POLE: variants seen among roughly 807,000 people sequenced by gnomAD.
POLE encodes DNA polymerase epsilon catalytic subunit A.
In POLE, 188 loss-of-function variants were observed where a neutral mutation model predicts 279.2. The ratio of observed to expected loss-of-function variants is 0.67; its 90% CI spans 0.60 to 0.76. POLE has a LOEUF of 0.76. Ranked by LOEUF, POLE falls within the 30% of genes least tolerant of loss-of-function variation. The pLI, the probability that POLE is intolerant of heterozygous loss-of-function variation, is 0.00. For synonymous variants in POLE, 1,214 were observed against 1,172.5 expected (o/e 1.04, Z -0.72); for missense variants, 2,703 against 3,016.7 (o/e 0.90, Z 2.44).
chr12:132,681,248 G>T lies in POLE; in HGVS notation c.94C>A (p.Leu32Ile). ...DDGATSSVSALKRLERSQWTD... is the reference protein window; with the variant it reads ...DDGATSSVSAIKRLERSQWTD... ...CACTGACTCCGTTCCAGGCGCTTGA[G>T]TGCCGAAACTGAGGAAGTGGCGCCA... The change falls in exon 2 of 49, where the codon CTC (leucine) becomes ATC (isoleucine). Residue 32 changes from leucine to isoleucine, a missense_variant. By Grantham distance (5) the Leu-to-Ile change is conservative. This residue lies in a region of POLE where 1,011 missense variants were observed against 1,111.7 expected (regional missense o/e 0.91). Transcript: ENST00000320574. The T allele has an allele frequency of 6.2e-7, 1 of 1,614,216 alleles. No individual in the cohort carries two copies. The highest frequency in any genetic ancestry group is 1.6e-4 in the Middle Eastern group (1 of 6,062).
rs1267528399 is a variant in POLE at position 132,668,377 on chromosome 12, A to G, written c.2152T>C (p.Tyr718His). The change falls in exon 19 of 49, where the codon TAC becomes CAC. Residue 718 changes from tyrosine to histidine, a missense_variant. By Grantham distance (83) the Tyr-to-His change is moderately conservative. Coordinates refer to ENST00000320574, the MANE Select transcript of POLE (RefSeq NM_006231.4). This position sits in a 1 kb window ranked among gnomAD's most constrained non-coding sequence, Gnocchi z 4.0. ...HELSREEQAKYEKRRLADYCR... is the reference protein window; with the variant it reads ...HELSREEQAKHEKRRLADYCR... ...TCACCCGCCAGCCTTCTCTTCTCGTATTTCGCCTGTTCCTCGCGGGACAGT... is the reference window on the plus strand; with the variant it reads ...TCACCCGCCAGCCTTCTCTTCTCGTGTTTCGCCTGTTCCTCGCGGGACAGT... 6.3e-7 allele frequency: 1 copy of G among 1,588,918 alleles called. No homozygotes were observed. Among genetic ancestry groups the G allele is most frequent in the African/African-American group, 1.4e-5 (1 of 73,664 alleles).
At chr12:132,683,875 T>C (rs945654470) in intron 1 of POLE, among the ~76,000 whole-genome samples, 37 of 152,328 alleles carry the variant, frequency 2.4e-4, no homozygotes, top group Admixed American at 9.8e-4. Flanking sequence ...ATCTGAAAAA[T>C]GGGGATAAGT....
chr12:132,652,433 C>T (rs1168262644), intron 29 of POLE, among the ~76,000 whole-genome samples: 1 of 151,690 alleles, frequency 6.6e-6, no homozygotes, highest in Admixed American at 6.6e-5. Flanking sequence ...GTGATCCTCC[C>T]ACCTCAGCCT....
Position 132,680,050 on chromosome 12 carries a change from A to G in POLE, c.331-4T>C. 6.2e-7 allele frequency: 1 copy of G among 1,612,322 alleles called. No individual in the cohort carries two copies. The highest frequency in any genetic ancestry group is 1.1e-5 in the South Asian group (1 of 90,964). On this transcript the variant is annotated splice_polypyrimidine_tract_variant and splice_region_variant and intron_variant, in intron 4 of 48. Transcript: ENST00000320574. ...ATGAAACTTCTCGCTCACAACCCTA[A>G]TCAGGATCAGAATGAAAAGGCTTTC... is the stretch of plus-strand genomic sequence containing the variant.
chr12:132,628,234 C>G (rs1213870422), intron 45 of POLE, among the ~76,000 whole-genome samples: 3 of 151,980 alleles, frequency 2.0e-5, no homozygotes, highest in Non-Finnish European at 2.9e-5. Context: ...CCCAGCTACT[C>G]GGGAGGCTGA....
Position 132,634,811 on chromosome 12 carries a change from C to T in POLE, c.5812-433G>A, listed in dbSNP as rs144970060. 6.6e-6 allele frequency among the ~76,000 whole-genome samples: 1 copy of T among 152,290 alleles called. No individual in the cohort carries two copies. Among genetic ancestry groups the T allele is most frequent in the East Asian group, 1.9e-4 (1 of 5,174 alleles). On this transcript the variant is annotated intron_variant, in intron 42 of 48. Transcript: ENST00000320574. The surrounding 1 kb of genome is among the most constrained non-coding windows in gnomAD (Gnocchi z 4.0). ...ACGGCACCATCCACGTCTGTGTAGA[C>T]ACCGACACCCACTGCCACCTGCCCT... is the stretch of plus-strand genomic sequence containing the variant.
chr12:132,633,981 G>C, intron 43 of POLE: 2 of 505,912 alleles, frequency 4.0e-6, no homozygotes, highest in Non-Finnish European at 6.9e-6. Context: ...AGGGAAGACA[G>C]TCACCCCTCT....
At position 132,649,533 on chromosome 12, in the gene POLE, C is replaced by A. The variant is rs2138610774; in HGVS notation, c.3796-18G>T. 6.2e-7 allele frequency: 1 copy of A among 1,610,532 alleles called. No individual in the cohort carries two copies. Among genetic ancestry groups the A allele is most frequent in the South Asian group, 1.1e-5 (1 of 90,982 alleles). On this transcript the variant is annotated intron_variant, in intron 30 of 48. Coordinates refer to ENST00000320574, the MANE Select transcript of POLE (RefSeq NM_006231.4). Reference sequence around the variant, plus strand: ...CATTCCTCCTGGGATGGATGGTGAGCACAGCCAGTGTGCAAGTGGTGAGAT... The same window carrying A: ...CATTCCTCCTGGGATGGATGGTGAGAACAGCCAGTGTGCAAGTGGTGAGAT...
At chr12:132,682,255 C>T (rs1309824178) in intron 1 of POLE, among the ~76,000 whole-genome samples, 7 of 150,818 alleles carry the variant, frequency 4.6e-5, no homozygotes, top group Non-Finnish European at 8.8e-5. Context: ...GAACGCGCCA[C>T]CACACTCCAG....
At chr12:132,678,673 C>G (rs1388642273) in intron 6 of POLE, among the ~76,000 whole-genome samples, 1 of 152,220 alleles carries the variant, frequency 6.6e-6, no homozygotes, top group Non-Finnish European at 1.5e-5. Context: ...TCCTGATACT[C>G]AGGAGGCTGC....
Position 132,672,808 on chromosome 12 carries a change from T to C in POLE, c.1505A>G (p.Glu502Gly). The part of the protein sequence containing the change: ...VLRKGSGTLC[E>G]ALLMVQAFHA... The stretch of plus-strand genomic sequence containing the variant: ...GAAGGCCTGCACCATCAGCAAGGCC[T>C]CACACAGAGTGCCAGAGCCCTTCCG... Residue 502 changes from glutamate to glycine, a missense_variant, in exon 15 of 49, where the codon GAG becomes GGG. Transcript: ENST00000320574. The C allele has an allele frequency of 6.2e-7, 1 of 1,614,164 alleles. No individual in the cohort carries two copies.
chr12:132,641,517 GTGGTCTC>G (rs2138521850), intron 39 of POLE, 123 bp downstream of exon 39: 1 of 748,492 alleles, frequency 1.3e-6, no homozygotes, highest in East Asian at 2.7e-5. Flanking sequence ...TCGCCACACA[GTGGTCTC>G]TGGCTCTGCC....
At chr12:132,636,313 G>C (rs1307424870) in intron 41 of POLE, among the ~76,000 whole-genome samples, 1 of 151,990 alleles carries the variant, frequency 6.6e-6, no homozygotes, top group African/African-American at 2.4e-5. Flanking sequence ...TAGGTGACCT[G>C]CACCTGCTGG....
rs1320893141 is a variant in POLE, at chr12:132,673,720, T to C, written c.1227-13A>G. On this transcript the variant is annotated splice_polypyrimidine_tract_variant and intron_variant, in intron 12 of 48. Transcript: ENST00000320574. The stretch of plus-strand genomic sequence containing the variant: ...CCTCTTCACCCACCTGGAAGGAGAA[T>C]GAGAACAGAAGCCAGGATGATTCTA... 7 of 1,612,864 alleles carry C rather than the reference T, an allele frequency of 4.3e-6. No individual in the cohort carries two copies. The highest frequency in any genetic ancestry group is 5.9e-6 in the Non-Finnish European group (7 of 1,179,918).
chr12:132,657,378 T>C lies in POLE; in HGVS notation c.3430A>G (p.Ile1144Val), dbSNP rs2042568440. 2 of 1,614,072 alleles carry C rather than the reference T, an allele frequency of 1.2e-6. No homozygotes were observed. The change falls in exon 28 of 49, where the codon ATC becomes GTC. Residue 1144 changes from isoleucine (I) to valine (V), a missense_variant. Coordinates refer to ENST00000320574, the MANE Select transcript of POLE (RefSeq NM_006231.4). ...TGCAGGGCCGCAGGGATGGTGATGA[T>C]CTTCTGGATGGCGCTTCCCAGCCGC... ...IERLGSAIQK[I>V]ITIPAALQQV... is the part of the protein sequence containing the mutation.
intron 35 of POLE, 44 bp from the exon 36 acceptor site, chr12:132,643,040 AAGTGGG>A: frequency 6.5e-7 from 1 of 1,546,072 alleles, no homozygotes; most frequent in Non-Finnish European, 8.7e-7. Flanking sequence ...GCGCAGGAGG[AAGTGGG>A]GGCAGCCCTG....
intron 1 of POLE, 44 bp from the exon 2 acceptor site, chr12:132,681,323 C>A (rs2136035404): frequency 1.9e-6 from 3 of 1,579,540 alleles, no homozygotes; most frequent in Non-Finnish European, 2.6e-6. Context: ...GTAATGCCAC[C>A]TGCTGCTGCT....
Position 132,643,838 on chromosome 12 carries a change from T to G in POLE, c.4289A>C (p.Gln1430Pro). The G allele has an allele frequency of 6.2e-7, 1 of 1,613,470 alleles. No homozygotes were observed. The highest frequency in any genetic ancestry group is 8.5e-7 in the Non-Finnish European group (1 of 1,179,426). The change falls in exon 33 of 49, where the codon CAG becomes CCG. Residue 1430 changes from glutamine (Q) to proline (P), a missense_variant and splice_region_variant. By Grantham distance (76) the Gln-to-Pro change is moderately conservative. Transcript: ENST00000320574. Reference sequence around the variant, plus strand: ...AGTCGAGGGTGGCTGGGGAGTCACCTGAGTCTCATATACGCCCTCGATGTC... The same window carrying G: ...AGTCGAGGGTGGCTGGGGAGTCACCGGAGTCTCATATACGCCCTCGATGTC... ...APDIEGVYET[Q>P]VPLLFRALVH...
Position 132,648,991 on chromosome 12 carries a change from G to A in POLE, c.4087C>T (p.Pro1363Ser). The A allele has an allele frequency of 6.2e-7, 1 of 1,614,100 alleles. No homozygotes were observed. The highest frequency in any genetic ancestry group is 8.5e-7 in the Non-Finnish European group (1 of 1,180,010). ...SDLHCIRLSI[P>S]RVFYVNQRVA... ...CGCTGGTTCACGTAGAACACACGGGGGATGCTCAGCCTGATGCAGTGCAAG... is the reference window on the plus strand; with the variant it reads ...CGCTGGTTCACGTAGAACACACGGGAGATGCTCAGCCTGATGCAGTGCAAG... Residue 1363 changes from proline (P) to serine (S), a missense_variant, in exon 32 of 49, where the codon CCC (proline) becomes TCC (serine). Physicochemically the swap from Pro to Ser is moderately conservative, Grantham distance 74. This residue lies in a region of POLE where 1,551 missense variants were observed against 1,686.1 expected (regional missense o/e 0.92). Transcript: ENST00000320574.
Sources: allele counts gnomAD v4.1 joint callset (sites outside exome capture counted in the v4.1 genomes callset), GRCh38; gene constraint gnomAD v4.1.1; regional missense constraint gnomAD v4.1.1; non-coding constraint Gnocchi (gnomAD v3.1); transcripts MANE v1.5; gene names NCBI Gene and HGNC (gene_info 2026-07-23, HGNC 2026-07-21).